The following RBBP8NL variants were observed in gnomAD, a reference collection of about 807,000 sequenced individuals.
The protein encoded by RBBP8NL is RBBP8 N-terminal-like protein.
Under a neutral mutation model 62.2 loss-of-function variants are expected in RBBP8NL, and 59 were observed. The observed-to-expected ratio is 0.95, with a 90% CI of 0.77 to 1.18. The LOEUF is 1.18. Ranked by LOEUF, RBBP8NL falls within the 50% of genes most tolerant of loss-of-function variation. RBBP8NL has a pLI of 0.00. For synonymous variants in RBBP8NL, 412 were observed against 394.1 expected, an observed-to-expected ratio of 1.05 and a Z score of -0.54; for missense variants, 896 against 899.5, an observed-to-expected ratio of 1.00 and a Z score of 0.05.
rs1988456074 is a variant in RBBP8NL at position 62,412,543 on chromosome 20, G to A, written c.1876+81C>T. ...AGGCTGCCATTCTCCAGGCAGCCAGGAGGAGAGGTGGCACTGGGGAGAGGT... is the reference window on the plus strand; with the variant it reads ...AGGCTGCCATTCTCCAGGCAGCCAGAAGGAGAGGTGGCACTGGGGAGAGGT... On this transcript the variant is annotated intron_variant, in intron 13 of 13. Coordinates refer to ENST00000252998, the MANE Select transcript of RBBP8NL (RefSeq NM_080833.3). 15 of 1,526,456 alleles carry A rather than the reference G, an allele frequency of 9.8e-6. No homozygotes were observed. The South Asian group carries it at 1.8e-4, about 18-fold the overall frequency. The allele number at this position is 1,526,456 out of a possible 1,614,324, so 94.6% of individuals were successfully genotyped here.
chr20:62,415,697 G>T (rs750944905), intron 7 of RBBP8NL, 37 bp from the exon 8 acceptor site: 2 of 1,610,698 alleles, frequency 1.2e-6, no homozygotes, highest in African/African-American at 1.3e-5. Context: ...AGCTTGGGAG[G>T]TGCTCAGAGG....
chr20:62,426,221 C>A (rs1301359979), intron 1 of RBBP8NL, among the ~76,000 whole-genome samples: 1 of 152,240 alleles, frequency 6.6e-6, no homozygotes, highest in East Asian at 1.9e-4. Flanking sequence ...GTGGCAGTGG[C>A]AGTGGCTGCT....
At chr20:62,421,347 C>G (rs964990269) in intron 1 of RBBP8NL, among the ~76,000 whole-genome samples, 7 of 142,132 alleles carry the variant, frequency 4.9e-5, no homozygotes, top group African/African-American at 1.9e-4. Flanking sequence ...TGTGTGCACA[C>G]CTGAGCCAGT....
chr20:62,427,039 G>T (rs983474296), intron 1 of RBBP8NL, among the ~76,000 whole-genome samples: 1 of 152,226 alleles, frequency 6.6e-6, no homozygotes, highest in Non-Finnish European at 1.5e-5. Flanking sequence ...GCCCAGCTGC[G>T]GGTGCTGCAC....
At chr20:62,419,153 C>T (rs6121582) in intron 2 of RBBP8NL, among the ~76,000 whole-genome samples, 7,492 of 152,206 alleles carry the variant, frequency 0.049, 624 homozygotes, top group African/African-American at 0.17. Context: ...GCCATAAGCT[C>T]CTGTTTCTGG....
chr20:62,416,292 G>GGGGGGGGGGGGGGC, intron 5 of RBBP8NL, 56 bp from the exon 6 acceptor site: 1 of 857,564 alleles, frequency 1.2e-6, no homozygotes. Context: ...CAGGGGCAGG[G>GGGGGGGGGGGGGGC]GTGGGGTCGT....
intron 5 of RBBP8NL, 58 bp from the exon 6 acceptor site, chr20:62,416,294 T>TGGGGGGGGGGGCG: frequency 1.9e-6 from 1 of 515,306 alleles, no homozygotes; most frequent in Non-Finnish European, 3.8e-6. Context: ...GGGGCAGGGG[T>TGGGGGGGGGGGCG]GGGGTCGTCA....
chr20:62,419,827 C>A, intron 1 of RBBP8NL, 97 bp from the exon 2 acceptor site: 1 of 631,550 alleles, frequency 1.6e-6, no homozygotes, highest in Non-Finnish European at 2.7e-6. Flanking sequence ...CTGTATGGAG[C>A]AGACCCCATG....
Position 62,414,505 on chromosome 20 carries a change from G to T in RBBP8NL, c.846C>A (p.Leu282=). Residue 282 remains leucine, a synonymous_variant, in exon 10 of 14, where the codon CTC becomes CTA. Coordinates refer to ENST00000252998, the MANE Select transcript of RBBP8NL (RefSeq NM_080833.3). ...PSAMTHEAPK[L]SPKVDRLCLL... ...GGCAGAGCCGGTCCACCTTCGGGGA[G>T]AGCTTCGGGGCCTCATGGGTCATGG... The T allele has an allele frequency of 6.9e-7, 1 of 1,451,090 alleles. No individual in the cohort carries two copies. The highest frequency in any genetic ancestry group is 9.1e-7 in the Non-Finnish European group (1 of 1,097,968). The allele number at this position is 1,451,090 out of a possible 1,614,324, so 89.9% of individuals were successfully genotyped here.
chr20:62,412,919 G>A lies in RBBP8NL; in HGVS notation c.1676-19C>T, dbSNP rs1988468532. 6.2e-7 allele frequency: 1 copy of A among 1,612,468 alleles called. No homozygotes were observed. The highest frequency in any genetic ancestry group is 1.1e-5 in the South Asian group (1 of 91,068). ...CTGGGCTCTGAAGGATGCAGAGTGT[G>A]GGGTCAGGCCAGGCTGGTGGCACCG... is the stretch of plus-strand genomic sequence containing the variant. On this transcript the variant is annotated intron_variant, in intron 11 of 13. Coordinates refer to ENST00000252998, the MANE Select transcript of RBBP8NL (RefSeq NM_080833.3).
intron 6 of RBBP8NL, 90 bp downstream of exon 6, chr20:62,416,074 T>TG: frequency 6.7e-7 from 1 of 1,485,256 alleles, no homozygotes; most frequent in Non-Finnish European, 9.2e-7. Flanking sequence ...GAGTCCTCCA[T>TG]GGGCGGTTCC....
In RBBP8NL at chr20:62,419,974, T is replaced by G. The variant is rs1392477339; in HGVS notation, c.-83-244A>C. 2.0e-5 allele frequency among the ~76,000 whole-genome samples: 3 copies of G among 152,158 alleles called. No homozygotes were observed. In the East Asian group the frequency reaches 5.8e-4, roughly 29 times the overall value. Reference sequence around the variant, plus strand: ...CCAGAGGGCAGGGTGCTGGCTGCCGTGCGGGAGGGGCTGGAGGGGCCAGGG... The same window carrying G: ...CCAGAGGGCAGGGTGCTGGCTGCCGGGCGGGAGGGGCTGGAGGGGCCAGGG... On this transcript the variant is annotated intron_variant, in intron 1 of 13. Coordinates refer to ENST00000252998, the MANE Select transcript of RBBP8NL (RefSeq NM_080833.3).
In RBBP8NL at chr20:62,410,760, G is replaced by C. The variant is rs1025894954; in HGVS notation, c.*118C>G. 2.8e-6 allele frequency: 2 copies of C among 718,086 alleles called. No individual in the cohort carries two copies. Among genetic ancestry groups the C allele is most frequent in the African/African-American group, 1.8e-5 (1 of 56,840 alleles). The allele number at this position is 718,086 out of a possible 1,614,324, so 44.5% of individuals were successfully genotyped here. ...TGTGGGTTCAGCTGAGGCTGGCTAG[G>C]TCTTCTCCCAGGGTTCTGTGCAGGG... On this transcript the variant is annotated 3_prime_UTR_variant, in exon 14 of 14. Coordinates refer to ENST00000252998, the MANE Select transcript of RBBP8NL (RefSeq NM_080833.3).
chr20:62,423,251 A>G (rs1435599736), intron 1 of RBBP8NL, among the ~76,000 whole-genome samples: 1 of 152,188 alleles, frequency 6.6e-6, no homozygotes, highest in Non-Finnish European at 1.5e-5. Context: ...CTGAGGCTCA[A>G]ACAGATCAAG....
intron 1 of RBBP8NL, among the ~76,000 whole-genome samples, chr20:62,422,244 G>C (rs907911726): frequency 3.9e-5 from 6 of 152,170 alleles, no homozygotes; most frequent in African/African-American, 1.4e-4. Context: ...TCAGCCTGGA[G>C]ACGCCCACGT....
chr20:62,426,733 C>T (rs150959921), intron 1 of RBBP8NL, among the ~76,000 whole-genome samples: 170 of 152,338 alleles, frequency 1.1e-3, no homozygotes, highest in Non-Finnish European at 1.7e-3. Flanking sequence ...GCAGGGCCCC[C>T]GGGACAGCTG....
At chr20:62,416,011 C>T (rs532551568) in intron 6 of RBBP8NL, 66 bp from the exon 7 acceptor site, 247 of 1,481,570 alleles carry the variant, frequency 1.7e-4, no homozygotes, top group Middle Eastern at 2.3e-4. Context: ...TCAGAAAAGC[C>T]GGGCCCACTC....
chr20:62,419,223 G>C (rs1988646819), intron 2 of RBBP8NL, among the ~76,000 whole-genome samples: 1 of 152,214 alleles, frequency 6.6e-6, no homozygotes, highest in Non-Finnish European at 1.5e-5. Context: ...ACTTCTTTCT[G>C]CCACGCTGGA....
chr20:62,425,192 G>A (rs1352369532), intron 1 of RBBP8NL, among the ~76,000 whole-genome samples: 1 of 152,164 alleles, frequency 6.6e-6, no homozygotes, highest in Non-Finnish European at 1.5e-5. Context: ...GCAGCCGAGG[G>A]AGACCCCGAT....
Sources: gnomAD v4.1 joint callset for allele counts (sites outside exome capture counted in the v4.1 genomes callset) on GRCh38, gnomAD v4.1.1 for gene constraint, MANE v1.5 for transcripts, NCBI Gene and HGNC (gene_info 2026-07-23, HGNC 2026-07-21) for gene names.